Variants in FRYL observed in about 807,000 individuals in gnomAD.
FRYL encodes protein furry homolog-like.
Under a neutral mutation model 351.2 loss-of-function variants are expected in FRYL, and 150 were observed. That is an observed-to-expected ratio of 0.43 (90% CI 0.37 to 0.49). The LOEUF is 0.49. FRYL is among the 20% of genes least tolerant of loss of function. FRYL has a pLI of 0.00. For missense variants in FRYL, 3,036 were observed against 3,619.3 expected (o/e 0.84, Z 4.13); for synonymous variants, 1,153 against 1,257.1 (o/e 0.92, Z 1.75).
intron 2 of FRYL, among the ~76,000 whole-genome samples, chr4:48,709,652 G>T (rs1475050979): frequency 6.6e-6 from 1 of 152,088 alleles, no homozygotes; most frequent in Non-Finnish European, 1.5e-5. Context: ...TTGGGATTAT[G>T]AAACCACCAA....
At chr4:48,600,246 C>A (rs1176080014) in intron 13 of FRYL, among the ~76,000 whole-genome samples, 1 of 152,084 alleles carries the variant, frequency 6.6e-6, no homozygotes, top group Non-Finnish European at 1.5e-5. Context: ...ATAACTGTTA[C>A]AACAGATAAC....
At chr4:48,506,595 T>C (rs1311014193) in intron 59 of FRYL, 1 of 128,044 alleles carries the variant, frequency 7.8e-6, no homozygotes, top group African/African-American at 3.0e-5. Context: ...TTTTAAATTA[T>C]ACTATTAAAC....
chr4:48,537,055 A>C (rs1729050528), intron 47 of FRYL, among the ~76,000 whole-genome samples: 1 of 152,208 alleles, frequency 6.6e-6, no homozygotes, highest in African/African-American at 2.4e-5. Flanking sequence ...GAAAAAGAAA[A>C]AATGGGTTGG....
At chr4:48,747,247 C>G (rs1223128073) in intron 1 of FRYL, among the ~76,000 whole-genome samples, 1 of 150,132 alleles carries the variant, frequency 6.7e-6, no homozygotes, top group African/African-American at 2.4e-5. Flanking sequence ...ATAAACAAGA[C>G]AGTACTTGTT....
intron 3 of FRYL, among the ~76,000 whole-genome samples, chr4:48,645,423 A>G (rs1478141004): frequency 1.3e-5 from 2 of 152,032 alleles, no homozygotes; most frequent in African/African-American, 4.8e-5. Context: ...TGGGCTGCCA[A>G]CTCCAGCATT....
At chr4:48,528,717 A>G (rs1461223393) in intron 50 of FRYL, among the ~76,000 whole-genome samples, 10 of 152,132 alleles carry the variant, frequency 6.6e-5, no homozygotes, top group African/African-American at 2.4e-4. Flanking sequence ...TACCACTCAG[A>G]CTTAATATTT....
At chr4:48,685,217 T>C (rs1765026521) in intron 2 of FRYL, among the ~76,000 whole-genome samples, 1 of 152,236 alleles carries the variant, frequency 6.6e-6, no homozygotes, top group Admixed American at 6.5e-5. Context: ...AATACCATTA[T>C]AATGCTTACA....
At chr4:48,599,107 C>A (rs1247957091) in intron 13 of FRYL, among the ~76,000 whole-genome samples, 1 of 152,050 alleles carries the variant, frequency 6.6e-6, no homozygotes, top group Non-Finnish European at 1.5e-5. Flanking sequence ...GTTTTAACTA[C>A]CTAATTTTTC....
At position 48,582,459 on chromosome 4, in the gene FRYL, G is replaced by T; in HGVS notation, c.1986+38C>A. On this transcript the variant is annotated intron_variant, in intron 20 of 63. Coordinates refer to ENST00000358350, the MANE Select transcript of FRYL (RefSeq NM_015030.2). ...AAACCATTATTGGTCATTTAGCACTGACCACATACAAAAGGACAATAGAAA... is the reference window on the plus strand; with the variant it reads ...AAACCATTATTGGTCATTTAGCACTTACCACATACAAAAGGACAATAGAAA... 4 of 1,286,424 alleles carry T rather than the reference G, an allele frequency of 3.1e-6. No individual in the cohort carries two copies. The South Asian group carries it at 3.6e-5, about 12-fold the overall frequency. The allele number at this position is 1,286,424 out of a possible 1,614,324, so 79.7% of individuals were successfully genotyped here. A position where few individuals can be genotyped will look rare whatever the true frequency, so the allele number is the denominator to read the frequency against.
At position 48,578,980 on chromosome 4, in the gene FRYL, C is replaced by T; in HGVS notation, c.2521G>A (p.Asp841Asn). 2 of 1,592,560 alleles carry T rather than the reference C, an allele frequency of 1.3e-6. No individual in the cohort carries two copies. The highest frequency in any genetic ancestry group is 1.7e-6 in the Non-Finnish European group (2 of 1,172,336). Residue 841 changes from aspartate (D) to asparagine (N), a missense_variant, in exon 23 of 64, where the codon GAT becomes AAT. Around this residue, in one of 7 missense-constraint regions of FRYL, gnomAD observed 492 missense variants for 551.5 expected, o/e 0.89. Coordinates refer to ENST00000358350, the MANE Select transcript of FRYL (RefSeq NM_015030.2). Reference protein sequence around the residue: ...TRLQLLSPQVDINSPINAKKV... With the variant: ...TRLQLLSPQVNINSPINAKKV... Reference sequence around the variant, plus strand: ...ACTAGGAAAATAACTTACTTTATATCGACCTGAGGGGACAACAACTGAAGT... The same window carrying T: ...ACTAGGAAAATAACTTACTTTATATTGACCTGAGGGGACAACAACTGAAGT...
Position 48,595,747 on chromosome 4 carries a change from T to C in FRYL, c.1140-49A>G, listed in dbSNP as rs1294245665. ...TAGTGAGATCATAACATCAACAGCA[T>C]ATTAGCAAAAAATTCTTCCTATTCT... is the stretch of plus-strand genomic sequence containing the variant. On this transcript the variant is annotated intron_variant, in intron 14 of 63. Transcript: ENST00000358350. 6 of 1,289,700 alleles carry C rather than the reference T, an allele frequency of 4.7e-6. No individual in the cohort carries two copies. In the African/African-American group the frequency reaches 9.0e-5, roughly 19 times the overall value. The allele number at this position is 1,289,700 out of a possible 1,614,324, so 79.9% of individuals were successfully genotyped here. A position where few individuals can be genotyped will look rare whatever the true frequency, so the allele number is the denominator to read the frequency against.
At chr4:48,687,508 G>GT (rs1765269016) in intron 2 of FRYL, among the ~76,000 whole-genome samples, 3 of 9,466 alleles carry the variant, frequency 3.2e-4, no homozygotes, top group African/African-American at 1.2e-3. Context: ...GGGGGGGGGT[G>GT]AGGGGGGAGG....
intron 3 of FRYL, among the ~76,000 whole-genome samples, chr4:48,660,535 A>G (rs1760482452): frequency 6.6e-6 from 1 of 152,240 alleles, no homozygotes; most frequent in Non-Finnish European, 1.5e-5. Flanking sequence ...CCACATGAAT[A>G]GCTCCAATAA....
chr4:48,745,661 G>A (rs970762688), intron 1 of FRYL, among the ~76,000 whole-genome samples: 2 of 152,150 alleles, frequency 1.3e-5, no homozygotes, highest in African/African-American at 4.8e-5. Context: ...TAAATGACGA[G>A]TTAATGGGTG....
At position 48,567,451 on chromosome 4, in the gene FRYL, G is replaced by T; in HGVS notation, c.2997-31C>A. ...AATATTGAAGAAAACAAAAGATGAA[G>T]TAAATGGGACTTTATGATTTAAATA... On this transcript the variant is annotated intron_variant, in intron 27 of 63. Transcript: ENST00000358350. This position sits in a 1 kb window ranked among gnomAD's most constrained non-coding sequence, Gnocchi z 4.2. 6.6e-7 allele frequency: 1 copy of T among 1,511,872 alleles called. No homozygotes were observed. The highest frequency in any genetic ancestry group is 8.9e-7 in the Non-Finnish European group (1 of 1,118,592). The allele number at this position is 1,511,872 out of a possible 1,614,324, so 93.7% of individuals were successfully genotyped here. A position where few individuals can be genotyped will look rare whatever the true frequency, so the allele number is the denominator to read the frequency against.
intron 1 of FRYL, among the ~76,000 whole-genome samples, chr4:48,766,738 A>C (rs1364023435): frequency 1.3e-5 from 2 of 152,142 alleles, no homozygotes; most frequent in East Asian, 1.9e-4. Context: ...GTCAGAACAA[A>C]GGCTTCATTC....
intron 7 of FRYL, among the ~76,000 whole-genome samples, chr4:48,613,332 A>G (rs537683859): frequency 2.6e-4 from 39 of 152,262 alleles, no homozygotes; most frequent in African/African-American, 9.4e-4. Context: ...GGGATGCTCA[A>G]CCTGTATATA....
chr4:48,598,282 C>T (rs1241078248), intron 13 of FRYL, among the ~76,000 whole-genome samples: 1 of 152,084 alleles, frequency 6.6e-6, no homozygotes, highest in Admixed American at 6.5e-5. Flanking sequence ...TACTGTATTC[C>T]ATTAACTTAA....
In FRYL at chr4:48,564,945, A is replaced by G. The variant is rs1226657258; in HGVS notation, c.3429T>C (p.Ser1143=). ...LYKWLDNILD[S]LDKKVHQLGC... ...TTGTCATAATTACCTTTTTGTCCAG[A>G]GAATCCAAAATGTTATCCAACCATT... Residue 1143 remains serine, a synonymous_variant, in exon 30 of 64, where the codon TCT becomes TCC. Coordinates refer to ENST00000358350, the MANE Select transcript of FRYL (RefSeq NM_015030.2). 14 of 1,577,842 alleles carry G rather than the reference A, an allele frequency of 8.9e-6. No homozygotes were observed. Among genetic ancestry groups the G allele is most frequent in the Non-Finnish European group, 1.2e-5 (14 of 1,151,782 alleles).
Sources: allele counts gnomAD v4.1 joint callset (sites outside exome capture counted in the v4.1 genomes callset), GRCh38; gene constraint gnomAD v4.1.1; regional missense constraint gnomAD v4.1.1; non-coding constraint Gnocchi (gnomAD v3.1); transcripts MANE v1.5; gene names NCBI Gene and HGNC (gene_info 2026-07-23, HGNC 2026-07-21).